CCL17: variants seen among roughly 807,000 people sequenced by gnomAD.
The protein encoded by CCL17 is C-C motif chemokine ligand 17, also known as C-C motif chemokine 17.
In CCL17, 8 loss-of-function variants were observed where a neutral mutation model predicts 7.4. The observed-to-expected ratio is 1.09, with a 90% CI of 0.64 to 1.96. CCL17 has a LOEUF of 1.96. Among genes scored for constraint, CCL17 ranks in the 30% most tolerant of loss-of-function variants. The pLI is 0.00. For synonymous variants in CCL17, 40 were observed against 46.1 expected (o/e 0.87, Z 0.54); for missense variants, 102 against 113.0 (o/e 0.90, Z 0.44).
chr16:57,396,626 G>A, the CCL17 span, among the ~76,000 whole-genome samples: 3 of 152,186 alleles, frequency 2.0e-5, no homozygotes, highest in Non-Finnish European at 4.4e-5. Flanking sequence ...CAGGGAGTAT[G>A]TTTGCCATTA....
intron 2 of CCL17, 79 bp downstream of exon 2, chr16:57,414,081 C>A (rs2146541632): frequency 2.6e-6 from 3 of 1,134,948 alleles, no homozygotes; most frequent in East Asian, 5.0e-5. Flanking sequence ...CACAGCAATA[C>A]ACACGTTTGT....
intron 1 of CCL17, among the ~76,000 whole-genome samples, chr16:57,407,909 A>G (rs1444482960): frequency 1.3e-5 from 2 of 150,578 alleles, no homozygotes; most frequent in Admixed American, 6.6e-5. Context: ...TCATCCATTC[A>G]TCTACCCATC....
chr16:57,405,355 C>A (rs1331867338), intron 1 of CCL17, among the ~76,000 whole-genome samples: 1 of 152,154 alleles, frequency 6.6e-6, no homozygotes, highest in Non-Finnish European at 1.5e-5. Flanking sequence ...AGCCAAGCTC[C>A]CACTGAAGAC....
chr16:57,400,184 C>T (rs1403525684), upstream of CCL17, among the ~76,000 whole-genome samples: 1 of 152,020 alleles, frequency 6.6e-6, no homozygotes, highest in Non-Finnish European at 1.5e-5. Flanking sequence ...GCGGTGAAAC[C>T]CTATCTCTAC....
At chr16:57,413,242 C>A (rs1372900253) in intron 1 of CCL17, among the ~76,000 whole-genome samples, 1 of 152,236 alleles carries the variant, frequency 6.6e-6, no homozygotes, top group African/African-American at 2.4e-5. Context: ...CAGGGCCTCA[C>A]CTGGGATGGG....
Position 57,415,250 on chromosome 16 carries a change from G to C in CCL17, c.188+52G>C. 1 of 1,227,876 alleles carries C rather than the reference G, an allele frequency of 8.1e-7. No individual in the cohort carries two copies. The highest frequency in any genetic ancestry group is 1.2e-6 in the Non-Finnish European group (1 of 828,514). The allele number at this position is 1,227,876 out of a possible 1,614,324, so 76.1% of individuals were successfully genotyped here. On this transcript the variant is annotated intron_variant, in intron 3 of 3. Transcript: ENST00000219244. The surrounding 1 kb of genome is among the most constrained non-coding windows in gnomAD (Gnocchi z 4.5). ...TCCTCAGGGCCAAGCATGGGGACAA[G>C]TGCACCCTGGAGCTCCCAGGACGGC...
At chr16:57,403,665 TATA>T (rs1902653639), upstream of CCL17, among the ~76,000 whole-genome samples, 22 of 92,132 alleles carry the variant, frequency 2.4e-4, 1 homozygote, top group African/African-American at 5.2e-4. Context: ...TATATATATA[TATA>T]TTTTTTGAGA....
chr16:57,415,502 G>A lies in CCL17; in HGVS notation c.189-263G>A, dbSNP rs1056233998. Among the ~76,000 whole-genome samples, 2 of 152,200 alleles carry A rather than the reference G, an allele frequency of 1.3e-5. No homozygotes were observed. Among genetic ancestry groups the A allele is most frequent in the African/African-American group, 2.4e-5 (1 of 41,452 alleles). On this transcript the variant is annotated intron_variant, in intron 3 of 3. Coordinates refer to ENST00000219244, the MANE Select transcript of CCL17 (RefSeq NM_002987.3). The surrounding 1 kb of genome is among the most constrained non-coding windows in gnomAD (Gnocchi z 4.5). ...CCTGAGCCCTGCCCGCAGTCTCCAC[G>A]TCCCAGGCTCTAGACTGTCTGGGGG...
chr16:57,414,127 G>A (rs41428247), intron 2 of CCL17, 125 bp downstream of exon 2: 34,045 of 630,904 alleles, frequency 0.054, 1,174 homozygotes, highest in African/African-American at 0.093. Flanking sequence ...CACAAAAGAC[G>A]TGAGAAGCCC....
chr16:57,402,976 A>C (rs72792965), upstream of CCL17, among the ~76,000 whole-genome samples: 2,503 of 144,696 alleles, frequency 0.017, 28 homozygotes, highest in South Asian at 0.029. Flanking sequence ...AGCAGACATA[A>C]GTAAGCGAAT....
chr16:57,409,091 A>T (rs552129856), intron 1 of CCL17, among the ~76,000 whole-genome samples: 1 of 152,224 alleles, frequency 6.6e-6, no homozygotes, highest in Non-Finnish European at 1.5e-5. Flanking sequence ...TCCTTCAAGG[A>T]TTTTACAGTC....
At position 57,413,866 on chromosome 16, in the gene CCL17, C is replaced by A. The variant is rs1902823441; in HGVS notation, c.-59-8C>A. The stretch of plus-strand genomic sequence containing the variant: ...AAATAGGTCACTGCCACCCTCGACT[C>A]TCAGCAGGGTGTCTCCCTGAGCAGA... On this transcript the variant is annotated splice_polypyrimidine_tract_variant and splice_region_variant and intron_variant, in intron 1 of 3. Coordinates refer to ENST00000219244, the MANE Select transcript of CCL17 (RefSeq NM_002987.3). The A allele has an allele frequency of 6.9e-7, 1 of 1,444,366 alleles. No individual in the cohort carries two copies. The highest frequency in any genetic ancestry group is 9.5e-7 in the Non-Finnish European group (1 of 1,055,978). The allele number at this position is 1,444,366 out of a possible 1,614,324, so 89.5% of individuals were successfully genotyped here.
In CCL17 at chr16:57,407,621, CATCT is replaced by C. The variant is rs554636321; in HGVS notation, c.-60+2791_-60+2794del. Among the ~76,000 whole-genome samples the C allele has an allele frequency of 5.1e-4, 77 of 152,182 alleles. No homozygotes were observed. In the East Asian group the frequency reaches 0.014, roughly 29 times the overall value. On this transcript the variant is annotated intron_variant, in intron 1 of 3. Coordinates refer to ENST00000219244, the MANE Select transcript of CCL17 (RefSeq NM_002987.3). ...CTATTCATCCATCCAACCACACATC[CATCT>C]ATCTAGCCATACATCTACACATACA...
upstream of CCL17, among the ~76,000 whole-genome samples, chr16:57,402,351 G>C (rs977511392): frequency 1.3e-5 from 2 of 152,212 alleles, no homozygotes; most frequent in African/African-American, 4.8e-5. Context: ...GATCCACCAG[G>C]CTCCTTGGAA....
rs1373063686 is a variant in CCL17, at chr16:57,415,226, C to T, written c.188+28C>T. The T allele has an allele frequency of 9.1e-6, 13 of 1,433,630 alleles. No individual in the cohort carries two copies. The highest frequency in any genetic ancestry group is 8.0e-5 in the South Asian group (7 of 87,380). The allele number at this position is 1,433,630 out of a possible 1,614,324, so 88.8% of individuals were successfully genotyped here. A position where few individuals can be genotyped will look rare whatever the true frequency, so the allele number is the denominator to read the frequency against. Reference sequence around the variant, plus strand: ...AAGTCCCCCTGGCTCCACCCCTGCTCCTCAGGGCCAAGCATGGGGACAAGT... The same window carrying T: ...AAGTCCCCCTGGCTCCACCCCTGCTTCTCAGGGCCAAGCATGGGGACAAGT... On this transcript the variant is annotated intron_variant, in intron 3 of 3. Coordinates refer to ENST00000219244, the MANE Select transcript of CCL17 (RefSeq NM_002987.3). This position sits in a 1 kb window ranked among gnomAD's most constrained non-coding sequence, Gnocchi z 4.5.
At chr16:57,406,873 A>C (rs1336877945) in intron 1 of CCL17, among the ~76,000 whole-genome samples, 1 of 152,172 alleles carries the variant, frequency 6.6e-6, no homozygotes, top group African/African-American at 2.4e-5. Context: ...GGCTGTAGGT[A>C]ATGATTCCAG....
chr16:57,415,894 C>G lies in CCL17; in HGVS notation c.*33C>G, dbSNP rs201176349. On this transcript the variant is annotated 3_prime_UTR_variant, in exon 4 of 4. Transcript: ENST00000219244. The surrounding 1 kb of genome is among the most constrained non-coding windows in gnomAD (Gnocchi z 4.5). ...TCACCCCAGACTCCTGACTGTCTCC[C>G]GGGACTACCTGGGACCTCCACCGTT... 21 of 1,408,986 alleles carry G rather than the reference C, an allele frequency of 1.5e-5. No homozygotes were observed. The African/African-American group carries it at 2.0e-4, about 13-fold the overall frequency. The allele number at this position is 1,408,986 out of a possible 1,614,324, so 87.3% of individuals were successfully genotyped here.
intron 1 of CCL17, among the ~76,000 whole-genome samples, chr16:57,413,465 G>T (rs1902817676): frequency 6.6e-6 from 1 of 152,070 alleles, no homozygotes; most frequent in African/African-American, 2.4e-5. Flanking sequence ...GCTCACTCAT[G>T]GTCCAGGAGA....
intron 1 of CCL17, among the ~76,000 whole-genome samples, chr16:57,411,103 C>T (rs1241240451): frequency 3.3e-5 from 5 of 152,248 alleles, no homozygotes; most frequent in Non-Finnish European, 5.9e-5. Flanking sequence ...ATCTACAAAA[C>T]CTAGCCCTAG....
Sources: allele counts gnomAD v4.1 joint callset (sites outside exome capture counted in the v4.1 genomes callset), GRCh38; gene constraint gnomAD v4.1.1; non-coding constraint Gnocchi (gnomAD v3.1); transcripts MANE v1.5; gene names NCBI Gene and HGNC (gene_info 2026-07-23, HGNC 2026-07-21).